PCDH17: variants seen among roughly 807,000 people sequenced by gnomAD.
PCDH17 encodes protocadherin-17.
A neutral mutation model predicts 67.7 loss-of-function variants in PCDH17; 21 were observed. The ratio of observed to expected loss-of-function variants is 0.31; its 90% CI spans 0.22 to 0.45. The LOEUF is 0.45. Ranked by LOEUF, PCDH17 falls within the 20% of genes least tolerant of loss-of-function variation. The pLI, the probability that PCDH17 is intolerant of heterozygous loss-of-function variation, is 1.00. For synonymous variants in PCDH17, 701 were observed against 656.7 expected, an observed-to-expected ratio of 1.07 and a Z score of -1.03; for missense variants, 1,471 against 1,564.8, an observed-to-expected ratio of 0.94 and a Z score of 1.01.
rs531724986 is a variant in PCDH17, at chr13:57,646,660, A to G, written c.2565+11549A>G. On this transcript the variant is annotated intron_variant, in intron 1 of 3. Coordinates refer to ENST00000377918, the MANE Select transcript of PCDH17 (RefSeq NM_001040429.3). ...AGGAAAAATAGAAAGAAGCATAGAA[A>G]TGTAATTTAAAAATGTTTAGAATTC... 2.6e-5 allele frequency among the ~76,000 whole-genome samples: 4 copies of G among 151,916 alleles called. No individual in the cohort carries two copies. In the East Asian group the frequency reaches 7.7e-4, roughly 29 times the overall value.
intron 3 of PCDH17, among the ~76,000 whole-genome samples, chr13:57,722,178 G>C (rs962989345): frequency 5.3e-5 from 8 of 152,120 alleles, no homozygotes; most frequent in Non-Finnish European, 1.0e-4. Flanking sequence ...TATGTTGGTG[G>C]TTTCAAATTC....
At chr13:57,693,538 T>G (rs1442271240) in intron 3 of PCDH17, among the ~76,000 whole-genome samples, 1 of 149,906 alleles carries the variant, frequency 6.7e-6, no homozygotes, top group Non-Finnish European at 1.5e-5. Flanking sequence ...TCAAATTTCA[T>G]ATATACAATT....
chr13:57,687,165 C>T (rs1955516368), intron 3 of PCDH17, among the ~76,000 whole-genome samples: 1 of 151,986 alleles, frequency 6.6e-6, no homozygotes, highest in African/African-American at 2.4e-5. Context: ...ATTTTATTCT[C>T]ATTTACATTT....
At chr13:57,630,771 C>A (rs1368448507), upstream of PCDH17, among the ~76,000 whole-genome samples, 1 of 152,118 alleles carries the variant, frequency 6.6e-6, no homozygotes, top group Non-Finnish European at 1.5e-5. Context: ...TCAGAGAAAG[C>A]GTTAGGAAGA....
chr13:57,695,621 A>T (rs1431494163), intron 3 of PCDH17, among the ~76,000 whole-genome samples: 1 of 151,268 alleles, frequency 6.6e-6, no homozygotes, highest in African/African-American at 2.4e-5. Context: ...GGCATTTATA[A>T]TTCCCTCCGC....
At chr13:57,662,925 A>T (rs1210316642) in intron 1 of PCDH17, among the ~76,000 whole-genome samples, 4 of 152,064 alleles carry the variant, frequency 2.6e-5, no homozygotes, top group Non-Finnish European at 4.4e-5. Context: ...AGAATATCTA[A>T]TTTTTTATTA....
intron 3 of PCDH17, among the ~76,000 whole-genome samples, chr13:57,690,886 C>T (rs1234953632): frequency 6.6e-6 from 1 of 151,306 alleles, no homozygotes; most frequent in East Asian, 1.9e-4. Context: ...ATTGTATGCC[C>T]TTCATTTGAC....
intron 1 of PCDH17, among the ~76,000 whole-genome samples, chr13:57,659,322 T>C (rs1012184786): frequency 3.3e-5 from 5 of 152,144 alleles, no homozygotes; most frequent in Non-Finnish European, 1.5e-5. Context: ...TTCTGATTTT[T>C]TTCTTAGAAA....
chr13:57,694,950 G>C (rs948263886), intron 3 of PCDH17, among the ~76,000 whole-genome samples: 3 of 151,060 alleles, frequency 2.0e-5, no homozygotes, highest in African/African-American at 7.3e-5. Context: ...ATGAGGAATA[G>C]AAAGATATTG....
In PCDH17 at chr13:57,698,974, C is replaced by T. The variant is rs554559896; in HGVS notation, c.2798-25638C>T. On this transcript the variant is annotated intron_variant, in intron 3 of 3. Coordinates refer to ENST00000377918, the MANE Select transcript of PCDH17 (RefSeq NM_001040429.3). Reference sequence around the variant, plus strand: ...CCGACTTGACATCTTTTTTCAGCCACTCTGATTCAGTTATATGTAAACAGA... The same window carrying T: ...CCGACTTGACATCTTTTTTCAGCCATTCTGATTCAGTTATATGTAAACAGA... 1.2e-4 allele frequency among the ~76,000 whole-genome samples: 19 copies of T among 152,064 alleles called. No homozygotes were observed. The South Asian group carries it at 3.7e-3, about 30-fold the overall frequency.
chr13:57,654,539 C>T (rs139288657), intron 1 of PCDH17, among the ~76,000 whole-genome samples: 3 of 151,860 alleles, frequency 2.0e-5, no homozygotes, highest in East Asian at 3.9e-4. Context: ...ATGAAATGAT[C>T]GTCATTAAGT....
chr13:57,666,443 G>A (rs781230382), intron 1 of PCDH17, 25 bp from the exon 2 acceptor site: 16 of 1,585,384 alleles, frequency 1.0e-5, no homozygotes, highest in East Asian at 2.2e-5. Context: ...ACAACTATAC[G>A]TATTTTTTTC....
Position 57,724,748 on chromosome 13 carries a change from TG to T in PCDH17, c.2935del (p.Glu979LysfsTer12). The part of the protein sequence containing the change: ...YRTNLFVPTV[E>X]ANVETETYET... ...GCACAAATCTCTTTGTACCTACAGT[TG>T]AAGCTAATGTTGAGACTGAGACTTA... On this transcript the variant is annotated frameshift_variant, in exon 4 of 4. Transcript: ENST00000377918. LOFTEE classifies it high-confidence loss of function. 1 of 1,614,056 alleles carries T rather than the reference TG, an allele frequency of 6.2e-7. No homozygotes were observed. The highest frequency in any genetic ancestry group is 8.5e-7 in the Non-Finnish European group (1 of 1,180,002).
At chr13:57,664,484 G>A (rs1955225187) in intron 1 of PCDH17, among the ~76,000 whole-genome samples, 1 of 151,982 alleles carries the variant, frequency 6.6e-6, no homozygotes, top group African/African-American at 2.4e-5. Context: ...TTCCTATCAG[G>A]ACAAGAGAAA....
chr13:57,656,237 T>C (rs888479779), intron 1 of PCDH17, among the ~76,000 whole-genome samples: 5 of 152,150 alleles, frequency 3.3e-5, no homozygotes, highest in Non-Finnish European at 7.4e-5. Context: ...ATTATAAACA[T>C]GCATTTAGAC....
intron 3 of PCDH17, among the ~76,000 whole-genome samples, chr13:57,702,460 A>C (rs1955676179): frequency 6.6e-6 from 1 of 152,078 alleles, no homozygotes; most frequent in East Asian, 1.9e-4. Flanking sequence ...GGAGTGAAAG[A>C]ATATAGAACA....
chr13:57,678,772 G>A (rs750530434), intron 3 of PCDH17, among the ~76,000 whole-genome samples: 1 of 151,508 alleles, frequency 6.6e-6, no homozygotes, highest in Non-Finnish European at 1.5e-5. Flanking sequence ...AGAAATAGGG[G>A]CATGGAATAT....
intron 1 of PCDH17, among the ~76,000 whole-genome samples, chr13:57,638,884 G>A (rs1954856918): frequency 6.6e-6 from 1 of 151,862 alleles, no homozygotes; most frequent in African/African-American, 2.4e-5. Context: ...TCTTCACTAT[G>A]GGGACTTATT....
intron 3 of PCDH17, among the ~76,000 whole-genome samples, chr13:57,669,537 A>G (rs947450588): frequency 1.3e-5 from 2 of 151,968 alleles, no homozygotes; most frequent in Non-Finnish European, 2.9e-5. Context: ...TCTTTCAACT[A>G]TCTATGTTTG....
Sources: allele counts gnomAD v4.1 joint callset (sites outside exome capture counted in the v4.1 genomes callset), GRCh38; gene constraint gnomAD v4.1.1; transcripts MANE v1.5; gene names NCBI Gene and HGNC (gene_info 2026-07-23, HGNC 2026-07-21).